The following SEPTIN8 variants were observed in gnomAD, a reference collection of about 807,000 sequenced individuals.
SEPTIN8 encodes septin 8.
In SEPTIN8, 22 loss-of-function variants were observed where a neutral mutation model predicts 53.1. That is an observed-to-expected ratio of 0.41 (90% CI 0.30 to 0.59). The LOEUF (loss-of-function observed/expected upper bound fraction) is 0.59. Among genes scored for constraint, SEPTIN8 ranks in the 20% least tolerant of loss-of-function variants. The probability of loss-of-function intolerance (pLI) is 0.24; values close to 1 mark genes in which losing one functional copy is unlikely to be tolerated. For synonymous variants in SEPTIN8, 228 were observed against 248.4 expected (o/e 0.92, Z 0.77); for missense variants, 536 against 638.7 (o/e 0.84, Z 1.73).
chr5:132,755,902 A>G, intron 9 of SEPTIN8: 1 of 920,538 alleles, frequency 1.1e-6, no homozygotes, highest in Non-Finnish European at 1.3e-6. Context: ...CACAAAATTC[A>G]AAGAACAGAC....
chr5:132,754,207 T>A, intron 9 of SEPTIN8: 1 of 548,452 alleles, frequency 1.8e-6, no homozygotes, highest in Non-Finnish European at 3.3e-6. Flanking sequence ...CATTTAGCCT[T>A]GCGAGAGTCA....
intron 1 of SEPTIN8, among the ~76,000 whole-genome samples, chr5:132,770,656 G>T (rs1309074834): frequency 6.6e-6 from 1 of 152,182 alleles, no homozygotes; most frequent in Admixed American, 6.5e-5. Context: ...CTGCAGCCAG[G>T]CTCCATTCTC....
chr5:132,767,160 C>G (rs934361054), intron 1 of SEPTIN8, among the ~76,000 whole-genome samples: 22 of 152,302 alleles, frequency 1.4e-4, no homozygotes, highest in African/African-American at 5.1e-4. Context: ...CCCAATCTCC[C>G]CACTCAAGCC....
Position 132,761,888 on chromosome 5 carries a change from C to A in SEPTIN8, c.705G>T (p.Leu235=). Residue 235 remains leucine, a synonymous_variant, in exon 6 of 10, where the codon CTG becomes CTT. Transcript: ENST00000378719. This position sits in a 1 kb window ranked among gnomAD's most constrained non-coding sequence, Gnocchi z 5.8. ...AEINAVMNAH[L]PFAVVGSTEE... ...CGGTGCTGCCCACCACGGCAAAGGG[C>A]AGATGTGCCTGGAAAGGGGCCCGGG... 1 of 1,593,158 alleles carries A rather than the reference C, an allele frequency of 6.3e-7. No homozygotes were observed. Among genetic ancestry groups the A allele is most frequent in the Non-Finnish European group, 8.6e-7 (1 of 1,169,572 alleles).
chr5:132,751,721 T>A lies in SEPTIN8; in HGVS notation c.*295A>T, dbSNP rs1338084829. On this transcript the variant is annotated 3_prime_UTR_variant, in exon 10 of 10. Coordinates refer to ENST00000378719, the MANE Select transcript of SEPTIN8 (RefSeq NM_001098811.2). ...TGGAAACATTGTCATCTAGGTACTT[T>A]CCGCTCATAACGATGATGTCACAAA... 1.7e-6 allele frequency: 1 copy of A among 578,940 alleles called. No individual in the cohort carries two copies. Among genetic ancestry groups the A allele is most frequent in the Non-Finnish European group, 3.0e-6 (1 of 329,152 alleles). The allele number at this position is 578,940 out of a possible 1,614,324, so 35.9% of individuals were successfully genotyped here.
chr5:132,771,197 G>A (rs763130851), intron 1 of SEPTIN8, among the ~76,000 whole-genome samples: 1 of 152,142 alleles, frequency 6.6e-6, no homozygotes, highest in Non-Finnish European at 1.5e-5. Context: ...GTGGGATCTG[G>A]GAAGAAACTG....
chr5:132,762,754 G>T, intron 4 of SEPTIN8, 109 bp from the exon 5 acceptor site: 1 of 1,217,776 alleles, frequency 8.2e-7, no homozygotes, highest in Non-Finnish European at 1.2e-6. Flanking sequence ...TCCCTGGGCA[G>T]GGGGAAGGAG....
At chr5:132,758,372 G>A in intron 9 of SEPTIN8, 1 of 1,416,282 alleles carries the variant, frequency 7.1e-7, no homozygotes, top group South Asian at 1.7e-5. Context: ...TTAAAATGAG[G>A]GGAACTGGGT....
chr5:132,770,020 T>C (rs1275526644), intron 1 of SEPTIN8, among the ~76,000 whole-genome samples: 11 of 34,320 alleles, frequency 3.2e-4, no homozygotes, highest in African/African-American at 1.1e-3. Context: ...TATATATATA[T>C]ATACACACAC....
chr5:132,753,672 T>C (rs905525382), intron 9 of SEPTIN8: 1 of 152,514 alleles, frequency 6.6e-6, no homozygotes, highest in Admixed American at 6.5e-5. Context: ...GATTTTGTGC[T>C]AATGAATGGG....
At chr5:132,764,034 G>T in intron 3 of SEPTIN8, 142 bp from the exon 4 acceptor site, 1 of 987,486 alleles carries the variant, frequency 1.0e-6, no homozygotes. Context: ...TCCCTGACTG[G>T]ATACAGGCAG....
chr5:132,758,798 T>G, intron 9 of SEPTIN8: 1 of 1,614,110 alleles, frequency 6.2e-7, no homozygotes, highest in Middle Eastern at 1.6e-4. Context: ...AGTCCACTCT[T>G]GACATGTAAG....
intron 1 of SEPTIN8, among the ~76,000 whole-genome samples, chr5:132,768,227 ACT>A (rs1293607696): frequency 6.6e-6 from 1 of 151,788 alleles, no homozygotes; most frequent in East Asian, 1.9e-4. Flanking sequence ...CCCAGGCTAC[ACT>A]CTGTTATCGC....
At position 132,760,471 on chromosome 5, in the gene SEPTIN8, G is replaced by A. The variant is rs184280668; in HGVS notation, c.1286+331C>T. ...CCAAGGGGGCTATGGGAGAGCGAAT[G>A]GGTGAGCAAGAAAGTTGGAGGAAGA... On this transcript the variant is annotated intron_variant, in intron 9 of 9. Coordinates refer to ENST00000378719, the MANE Select transcript of SEPTIN8 (RefSeq NM_001098811.2). This position sits in a 1 kb window ranked among gnomAD's most constrained non-coding sequence, Gnocchi z 5.2. Among the ~76,000 whole-genome samples, 2 of 152,138 alleles carry A rather than the reference G, an allele frequency of 1.3e-5. No individual in the cohort carries two copies. Among genetic ancestry groups the A allele is most frequent in the Non-Finnish European group, 1.5e-5 (1 of 68,030 alleles).
intron 9 of SEPTIN8, chr5:132,758,982 T>A: frequency 1.3e-6 from 1 of 781,400 alleles, no homozygotes; most frequent in African/African-American, 1.7e-5. Context: ...CCTCAGTTTG[T>A]GGTGTCCCAG....
At chr5:132,763,941 T>C in intron 3 of SEPTIN8, 49 bp from the exon 4 acceptor site, 2 of 1,500,634 alleles carry the variant, frequency 1.3e-6, no homozygotes, top group East Asian at 2.3e-5. Flanking sequence ...GATCAGGGGC[T>C]TGGGGCTTGG....
chr5:132,753,955 G>GGT (rs1477096953), intron 9 of SEPTIN8: 8 of 111,684 alleles, frequency 7.2e-5, no homozygotes, highest in African/African-American at 4.8e-4. Context: ...TGTGAACTAT[G>GGT]GTTTTTTTTT....
At chr5:132,762,412 G>C in intron 5 of SEPTIN8, 72 bp downstream of exon 5, 1 of 1,451,394 alleles carries the variant, frequency 6.9e-7, no homozygotes, top group South Asian at 1.2e-5. Flanking sequence ...GAGTCTCCTG[G>C]GGCTGTGTCA....
chr5:132,764,367 G>A lies in SEPTIN8; in HGVS notation c.204C>T (p.Thr68=), dbSNP rs1254786874. 6 of 1,614,098 alleles carry A rather than the reference G, an allele frequency of 3.7e-6. No homozygotes were observed. The East Asian group carries it at 6.7e-5, about 18-fold the overall frequency. ...STLMNTLFNT[T]FETEEASHHE... is the part of the protein sequence containing the mutation. ...GGTGACTGGCTTCCTCAGTCTCGAA[G>A]GTCGTGTTGAAGAGTGTGTTCATCA... is the stretch of plus-strand genomic sequence containing the variant. The change falls in exon 3 of 10, where the codon ACC becomes ACT. Residue 68 remains threonine (T), a synonymous_variant. Coordinates refer to ENST00000378719, the MANE Select transcript of SEPTIN8 (RefSeq NM_001098811.2).
Sources: allele counts gnomAD v4.1 joint callset (sites outside exome capture counted in the v4.1 genomes callset), GRCh38; gene constraint gnomAD v4.1.1; non-coding constraint Gnocchi (gnomAD v3.1); transcripts MANE v1.5; gene names NCBI Gene and HGNC (gene_info 2026-07-23, HGNC 2026-07-21).